The following EML6 variants were observed in gnomAD, a reference collection of about 807,000 sequenced individuals.
The protein encoded by EML6 is echinoderm microtubule-associated protein-like 6.
In EML6, 154 loss-of-function variants were observed where a neutral mutation model predicts 240.1. The ratio of observed to expected loss-of-function variants is 0.64; its 90% CI spans 0.56 to 0.73. The LOEUF (loss-of-function observed/expected upper bound fraction) is 0.73, where lower values mean the gene tolerates loss of function less well. EML6 is among the 30% of genes least tolerant of loss of function. The probability of loss-of-function intolerance (pLI) is 0.00; values close to 1 mark genes in which losing one functional copy is unlikely to be tolerated. For synonymous variants in EML6, 1,148 were observed against 899.0 expected, an observed-to-expected ratio of 1.28 and a Z score of -4.95; for missense variants, 2,964 against 2,474.6, an observed-to-expected ratio of 1.20 and a Z score of -4.20.
intron 10 of EML6, among the ~76,000 whole-genome samples, chr2:54,850,600 G>A (rs891380123): frequency 5.9e-5 from 9 of 151,824 alleles, no homozygotes; most frequent in Non-Finnish European, 1.0e-4. Context: ...TTAGAAAAAT[G>A]GGCAAATCTC....
At chr2:54,796,320 C>T (rs573025291) in intron 2 of EML6, among the ~76,000 whole-genome samples, 2 of 152,068 alleles carry the variant, frequency 1.3e-5, no homozygotes, top group Admixed American at 1.3e-4. Context: ...ACTCATTACT[C>T]TCAAAATAAC....
chr2:54,883,096 T>C (rs1431130398), intron 17 of EML6, among the ~76,000 whole-genome samples: 1 of 151,924 alleles, frequency 6.6e-6, no homozygotes. Flanking sequence ...TCAAATAATA[T>C]ATGATCATTA....
intron 2 of EML6, among the ~76,000 whole-genome samples, chr2:54,790,976 C>T (rs368251701): frequency 6.6e-6 from 1 of 152,030 alleles, no homozygotes; most frequent in Admixed American, 6.6e-5. Context: ...CCGCCCGCCT[C>T]GGCCTCCCAA....
intron 2 of EML6, among the ~76,000 whole-genome samples, chr2:54,782,708 C>G (rs1380253983): frequency 7.0e-6 from 1 of 143,856 alleles, no homozygotes. Context: ...TTGTCTTCTT[C>G]TCTAAGATGC....
intron 38 of EML6, among the ~76,000 whole-genome samples, chr2:54,966,409 A>C (rs1049484002): frequency 6.6e-6 from 1 of 152,248 alleles, no homozygotes; most frequent in African/African-American, 2.4e-5. Context: ...GAAGCTGAAC[A>C]GGAAGGGCAG....
intron 17 of EML6, among the ~76,000 whole-genome samples, chr2:54,884,773 C>T (rs904451843): frequency 1.3e-5 from 2 of 152,178 alleles, no homozygotes; most frequent in African/African-American, 4.8e-5. Context: ...AATCTTTTAT[C>T]TCTAGGAAAT....
chr2:54,966,831 G>A (rs1272090474), intron 38 of EML6, 169 bp from the exon 39 acceptor site: 2 of 475,356 alleles, frequency 4.2e-6, no homozygotes, highest in Non-Finnish European at 7.7e-6. Flanking sequence ...ATGGCCTGCT[G>A]TTGTTGTCAT....
chr2:54,920,099 A>G (rs1674143118), intron 26 of EML6, among the ~76,000 whole-genome samples: 1 of 152,142 alleles, frequency 6.6e-6, no homozygotes. Context: ...AAATAACCTA[A>G]CTTTACACTT....
intron 9 of EML6, 133 bp downstream of exon 9, chr2:54,847,756 C>G (rs1004691322): frequency 1.1e-5 from 9 of 786,576 alleles, no homozygotes; most frequent in South Asian, 5.7e-5. Context: ...TATAGATCTA[C>G]GATCCCCTAT....
intron 35 of EML6, 53 bp downstream of exon 35, chr2:54,960,387 G>C: frequency 7.4e-7 from 1 of 1,346,962 alleles, no homozygotes; most frequent in Non-Finnish European, 1.0e-6. Context: ...GGAAGTGTAG[G>C]TACCCTCCCA....
rs546402912 is a variant in EML6, at chr2:54,850,937, A to G, written c.1444+719A>G. On this transcript the variant is annotated intron_variant, in intron 10 of 41. Transcript: ENST00000356458. ...CAAAAATATGCTGAGCAAACAAAAG[A>G]AAGTTGTGGAATGATATATACAGTG... Among the ~76,000 whole-genome samples the G allele has an allele frequency of 2.6e-5, 4 of 152,366 alleles. No individual in the cohort carries two copies. The East Asian group carries it at 7.7e-4, about 29-fold the overall frequency.
chr2:54,789,284 C>G (rs966265936), intron 2 of EML6, among the ~76,000 whole-genome samples: 2 of 151,844 alleles, frequency 1.3e-5, no homozygotes, highest in African/African-American at 4.8e-5. Context: ...GAGGCCAAGG[C>G]GGGCGGATCA....
intron 24 of EML6, among the ~76,000 whole-genome samples, chr2:54,907,934 AGATAGATAGATAAGAT>A (rs1252724277): frequency 0.02 from 1,013 of 51,840 alleles, 7 homozygotes; most frequent in South Asian, 0.057. Context: ...ATAGATAGAT[AGATAGATAGATAAGAT>A]AGATAGATAG....
rs767862430 is a variant in EML6, at chr2:54,859,677, G to A, written c.1801G>A (p.Gly601Ser). ...GTTTATTCCAGAAGGTGTCAGCAACGGCATGCTGGAAACTGCACCCCAAGG... is the reference window on the plus strand; with the variant it reads ...GTTTATTCCAGAAGGTGTCAGCAACAGCATGCTGGAAACTGCACCCCAAGG... ...WRFIPEGVSN[G>S]MLETAPQEGG... Residue 601 changes from glycine (G) to serine (S), a missense_variant, in exon 12 of 42, where the codon GGC (glycine) becomes AGC (serine). Transcript: ENST00000356458. 3.4e-5 allele frequency: 53 copies of A among 1,545,222 alleles called. No individual in the cohort carries two copies. Among genetic ancestry groups the A allele is most frequent in the African/African-American group, 2.8e-5 (2 of 72,678 alleles).
intron 2 of EML6, among the ~76,000 whole-genome samples, chr2:54,730,149 A>AT (rs1683090306): frequency 1.3e-5 from 2 of 152,308 alleles, no homozygotes; most frequent in African/African-American, 4.8e-5. Context: ...GAAAAAAAAA[A>AT]GAAAAGAAAA....
chr2:54,894,294 C>T (rs760107251), intron 19 of EML6, among the ~76,000 whole-genome samples: 2 of 150,964 alleles, frequency 1.3e-5, no homozygotes, highest in Non-Finnish European at 2.9e-5. Flanking sequence ...AAGCTTAGAA[C>T]AGGAATAAAG....
intron 2 of EML6, among the ~76,000 whole-genome samples, chr2:54,762,911 T>G (rs564596033): frequency 7.2e-5 from 11 of 152,206 alleles, no homozygotes; most frequent in African/African-American, 2.4e-5. Flanking sequence ...TTTCAGCAGA[T>G]GGAGCTGGGG....
chr2:54,754,222 C>T (rs1684305278), intron 2 of EML6, among the ~76,000 whole-genome samples: 1 of 151,954 alleles, frequency 6.6e-6, no homozygotes, highest in Admixed American at 6.5e-5. Flanking sequence ...AGCAATCCTC[C>T]TGCCTCAGCC....
intron 28 of EML6, among the ~76,000 whole-genome samples, chr2:54,939,468 A>G (rs1675314594): frequency 6.6e-6 from 1 of 152,166 alleles, no homozygotes; most frequent in South Asian, 2.1e-4. Flanking sequence ...ATGTGGATGG[A>G]TGAGTACTGC....
Sources: gnomAD v4.1 joint callset for allele counts (sites outside exome capture counted in the v4.1 genomes callset) on GRCh38, gnomAD v4.1.1 for gene constraint, MANE v1.5 for transcripts, NCBI Gene and HGNC (gene_info 2026-07-23, HGNC 2026-07-21) for gene names.